EFNA5: variants seen among roughly 807,000 people sequenced by gnomAD.
The protein encoded by EFNA5 is ephrin A5.
Under a neutral mutation model 22.9 loss-of-function variants are expected in EFNA5, and 5 were observed. The observed-to-expected ratio is 0.22, with a 90% CI of 0.11 to 0.46. EFNA5 has a LOEUF of 0.46. Among genes scored for constraint, EFNA5 ranks in the 20% least tolerant of loss-of-function variants. The pLI is 0.99. For missense variants in EFNA5, 237 were observed against 293.3 expected, an observed-to-expected ratio of 0.81 and a Z score of 1.40; for synonymous variants, 113 against 112.2, an observed-to-expected ratio of 1.01 and a Z score of -0.04.
intron 2 of EFNA5, among the ~76,000 whole-genome samples, chr5:107,421,667 T>C (rs34583348): frequency 0.24 from 36,650 of 152,172 alleles, 4,527 homozygotes; most frequent in South Asian, 0.36. Flanking sequence ...GTTTATAAAG[T>C]AGAATTCTCT....
At chr5:107,521,160 C>T (rs1747587454) in intron 1 of EFNA5, among the ~76,000 whole-genome samples, 1 of 152,144 alleles carries the variant, frequency 6.6e-6, no homozygotes, top group Non-Finnish European at 1.5e-5. Context: ...ATGTAACCTA[C>T]AAAACATCAT....
At chr5:107,669,986 G>C (rs1219033712) in intron 1 of EFNA5, among the ~76,000 whole-genome samples, 2 of 149,146 alleles carry the variant, frequency 1.3e-5, no homozygotes, top group East Asian at 4.0e-4. Flanking sequence ...CAGCCCGTGC[G>C]CTCTCTCTGC....
intron 1 of EFNA5, among the ~76,000 whole-genome samples, chr5:107,428,351 A>G (rs1748859773): frequency 6.6e-6 from 1 of 152,232 alleles, no homozygotes; most frequent in South Asian, 2.1e-4. Flanking sequence ...GTAACAAGCC[A>G]AATGAAAATA....
At chr5:107,466,396 C>T (rs929047540) in intron 1 of EFNA5, among the ~76,000 whole-genome samples, 50 of 152,178 alleles carry the variant, frequency 3.3e-4, no homozygotes, top group African/African-American at 1.1e-3. Context: ...GGCACCAGAG[C>T]GGAAATGCTG....
At chr5:107,642,868 T>G (rs1561457844) in intron 1 of EFNA5, among the ~76,000 whole-genome samples, 1 of 151,080 alleles carries the variant, frequency 6.6e-6, no homozygotes, top group Non-Finnish European at 1.5e-5. Context: ...TTAGAAATTA[T>G]AGATGAGAAG....
At chr5:107,577,890 G>C (rs1000743872) in intron 1 of EFNA5, among the ~76,000 whole-genome samples, 1 of 152,216 alleles carries the variant, frequency 6.6e-6, no homozygotes, top group African/African-American at 2.4e-5. Flanking sequence ...TTTGGAGCGC[G>C]GGGGTTCAGA....
chr5:107,496,863 T>C (rs1021070054), intron 1 of EFNA5, among the ~76,000 whole-genome samples: 1 of 152,226 alleles, frequency 6.6e-6, no homozygotes. Context: ...TGAGACAAAG[T>C]AGTTTTCAGA....
At chr5:107,530,089 C>T (rs960548366) in intron 1 of EFNA5, among the ~76,000 whole-genome samples, 8 of 152,144 alleles carry the variant, frequency 5.3e-5, no homozygotes, top group African/African-American at 1.7e-4. Context: ...TCAGGATAGG[C>T]TAGATTATGA....
chr5:107,559,051 G>C (rs1290269009), intron 1 of EFNA5, among the ~76,000 whole-genome samples: 1 of 152,236 alleles, frequency 6.6e-6, no homozygotes, highest in African/African-American at 2.4e-5. Context: ...GGCAAGAAGG[G>C]ATGTTTGAGA....
At chr5:107,415,263 A>G (rs1748473758) in intron 2 of EFNA5, among the ~76,000 whole-genome samples, 1 of 152,166 alleles carries the variant, frequency 6.6e-6, no homozygotes, top group Non-Finnish European at 1.5e-5. Flanking sequence ...CTAGTCATAA[A>G]ACAAATGATT....
intron 1 of EFNA5, among the ~76,000 whole-genome samples, chr5:107,482,690 G>T (rs1305621519): frequency 6.6e-6 from 1 of 152,004 alleles, no homozygotes; most frequent in Non-Finnish European, 1.5e-5. Flanking sequence ...TTTATACAGG[G>T]TATTAGAGAA....
intron 2 of EFNA5, among the ~76,000 whole-genome samples, chr5:107,411,573 A>G (rs963122053): frequency 1.3e-5 from 2 of 152,176 alleles, no homozygotes; most frequent in African/African-American, 4.8e-5. Flanking sequence ...GATCCCCACC[A>G]CTGTCTTGGT....
intron 1 of EFNA5, among the ~76,000 whole-genome samples, chr5:107,600,461 A>G (rs1286151761): frequency 6.6e-6 from 1 of 152,156 alleles, no homozygotes. Flanking sequence ...AACTGAAGGT[A>G]ATCAGCTAAG....
chr5:107,527,468 G>C (rs1473416912), intron 1 of EFNA5, among the ~76,000 whole-genome samples: 2 of 151,814 alleles, frequency 1.3e-5, no homozygotes, highest in Admixed American at 1.3e-4. Context: ...TGTATTTTTA[G>C]TAGAGATGGG....
chr5:107,403,566 C>T (rs1748139610), intron 2 of EFNA5, among the ~76,000 whole-genome samples: 1 of 152,160 alleles, frequency 6.6e-6, no homozygotes, highest in Non-Finnish European at 1.5e-5. Context: ...ATTACAGTTT[C>T]ACAATAATAA....
intron 1 of EFNA5, among the ~76,000 whole-genome samples, chr5:107,431,568 C>A (rs1306540528): frequency 6.6e-6 from 1 of 152,168 alleles, no homozygotes; most frequent in Non-Finnish European, 1.5e-5. Flanking sequence ...AAGCAACGTG[C>A]CCAATATTAC....
At chr5:107,446,022 C>T (rs1749383848) in intron 1 of EFNA5, among the ~76,000 whole-genome samples, 1 of 152,214 alleles carries the variant, frequency 6.6e-6, no homozygotes, top group South Asian at 2.1e-4. Flanking sequence ...ACACAGTTGT[C>T]TGCCTATCTT....
chr5:107,423,316 A>G (rs1248367936), intron 2 of EFNA5, among the ~76,000 whole-genome samples: 2 of 152,156 alleles, frequency 1.3e-5, no homozygotes, highest in East Asian at 1.9e-4. Flanking sequence ...TGATGTAAAA[A>G]TAACTGCAAA....
intron 1 of EFNA5, among the ~76,000 whole-genome samples, chr5:107,466,285 AG>A (rs1240223593): frequency 6.6e-6 from 1 of 152,148 alleles, no homozygotes; most frequent in Non-Finnish European, 1.5e-5. Context: ...TCAAAGGTGC[AG>A]GTATTAAATG....
Sources: gnomAD v4.1 joint callset for allele counts (sites outside exome capture counted in the v4.1 genomes callset) on GRCh38, gnomAD v4.1.1 for gene constraint, MANE v1.5 for transcripts, NCBI Gene and HGNC (gene_info 2026-07-23, HGNC 2026-07-21) for gene names.